Variants in GPHN observed in about 807,000 individuals in gnomAD.
GPHN encodes the protein gephyrin.
GPHN carries 17 observed loss-of-function variants against 95.5 expected under a neutral mutation model. That is an observed-to-expected ratio of 0.18 (90% confidence interval 0.12 to 0.27). The LOEUF (loss-of-function observed/expected upper bound fraction) is 0.27. GPHN is among the 10% of genes least tolerant of loss of function. The pLI, the probability that GPHN is intolerant of heterozygous loss-of-function variation, is 1.00. For missense variants in GPHN, 660 were observed against 978.1 expected, an observed-to-expected ratio of 0.67 and a Z score of 4.34; for synonymous variants, 320 against 322.5, an observed-to-expected ratio of 0.99 and a Z score of 0.08.
At chr14:67,678,282 C>T in the GPHN span, 34 of 1,247,094 alleles carry the variant, frequency 2.7e-5, 1 homozygote, top group South Asian at 3.9e-4. Context: ...ACTGTGTAGT[C>T]TGCTGCAGTC....
chr14:66,674,610 G>A (rs2066485395), intron 1 of GPHN, among the ~76,000 whole-genome samples: 1 of 152,140 alleles, frequency 6.6e-6, no homozygotes, highest in Non-Finnish European at 1.5e-5. Context: ...CCTCCAGGGT[G>A]ATCCATATTG....
At chr14:66,932,331 C>A (rs112092039) in intron 8 of GPHN, among the ~76,000 whole-genome samples, 2,301 of 151,996 alleles carry the variant, frequency 0.015, 33 homozygotes, top group Non-Finnish European at 0.018. Flanking sequence ...TAAAACCAGC[C>A]CAGTACTGGG....
chr14:67,009,449 CTA>C (rs2072832638), intron 9 of GPHN, among the ~76,000 whole-genome samples: 1 of 152,002 alleles, frequency 6.6e-6, no homozygotes, highest in Non-Finnish European at 1.5e-5. Flanking sequence ...TGTCAAAAGA[CTA>C]TTTATAAATA....
chr14:67,492,987 G>A, the GPHN span, among the ~76,000 whole-genome samples: 3 of 152,300 alleles, frequency 2.0e-5, no homozygotes, highest in African/African-American at 7.2e-5. Context: ...AAAGAAACCC[G>A]ATGCTGGAAG....
chr14:66,530,682 G>A (rs2058887270), intron 1 of GPHN, among the ~76,000 whole-genome samples: 1 of 152,232 alleles, frequency 6.6e-6, no homozygotes, highest in South Asian at 2.1e-4. Flanking sequence ...TTACAGCACA[G>A]TCCCTCAGGG....
At chr14:67,538,306 T>G in the GPHN span, among the ~76,000 whole-genome samples, 2 of 152,214 alleles carry the variant, frequency 1.3e-5, no homozygotes, top group Non-Finnish European at 2.9e-5. Flanking sequence ...TTGGCCCAGT[T>G]CTGCTACTCC....
chr14:67,216,479 G>A, the GPHN span, among the ~76,000 whole-genome samples: 1 of 151,716 alleles, frequency 6.6e-6, no homozygotes, highest in Admixed American at 6.6e-5. Context: ...AGTTCCTCAA[G>A]GTGCATCATT....
At chr14:67,571,238 T>C in the GPHN span, 1 of 158,736 alleles carries the variant, frequency 6.3e-6, no homozygotes, top group Admixed American at 5.8e-5. Flanking sequence ...TCTGGGCAAA[T>C]TATATACATG....
At chr14:67,378,351 G>A in the GPHN span, among the ~76,000 whole-genome samples, 1 of 144,910 alleles carries the variant, frequency 6.9e-6, no homozygotes, top group African/African-American at 2.6e-5. Context: ...ATATCACGTG[G>A]TAGAAAAGGT....
chr14:67,105,132 G>T (rs898849841), intron 13 of GPHN, among the ~76,000 whole-genome samples: 3 of 151,904 alleles, frequency 2.0e-5, no homozygotes, highest in Non-Finnish European at 2.9e-5. Context: ...ATTTCTACAT[G>T]TTTGTACAAT....
intron 1 of GPHN, among the ~76,000 whole-genome samples, chr14:66,628,429 C>T (rs1325447696): frequency 6.6e-6 from 1 of 151,880 alleles, no homozygotes; most frequent in Non-Finnish European, 1.5e-5. Context: ...AGTTATAACA[C>T]AATGGCAAAT....
the GPHN span, among the ~76,000 whole-genome samples, chr14:67,324,697 CCCCAG>C: frequency 6.6e-6 from 1 of 151,866 alleles, no homozygotes; most frequent in Non-Finnish European, 1.5e-5. Context: ...GATCCTCTCA[CCCCAG>C]CCTGTCCAAG....
the GPHN span, chr14:67,652,690 A>G: frequency 2.0e-5 from 3 of 152,236 alleles, no homozygotes; most frequent in Non-Finnish European, 4.4e-5. Flanking sequence ...TCTTCCCTAC[A>G]ATATAGAACT....
intron 21 of GPHN, among the ~76,000 whole-genome samples, chr14:67,171,413 C>T (rs1056461613): frequency 4.0e-5 from 6 of 151,896 alleles, no homozygotes; most frequent in Non-Finnish European, 7.4e-5. Context: ...GAACACAATC[C>T]TAGCAATTCA....
intron 1 of GPHN, among the ~76,000 whole-genome samples, chr14:66,659,872 C>G (rs1282975402): frequency 6.6e-6 from 1 of 151,968 alleles, no homozygotes; most frequent in Non-Finnish European, 1.5e-5. Context: ...CTCTGCTAAT[C>G]TCTTTCAGTT....
chr14:66,842,588 C>T, intron 4 of GPHN: 2 of 864,920 alleles, frequency 2.3e-6, no homozygotes, highest in Admixed American at 2.3e-5. Flanking sequence ...TTCTTATTTC[C>T]CTGAACCAGT....
the GPHN span, among the ~76,000 whole-genome samples, chr14:67,583,510 C>T: frequency 6.6e-6 from 1 of 152,226 alleles, no homozygotes; most frequent in Non-Finnish European, 1.5e-5. Context: ...CACTTCACCT[C>T]AGCTGCAAAA....
intron 1 of GPHN, among the ~76,000 whole-genome samples, chr14:66,594,813 C>T (rs987844850): frequency 1.3e-5 from 2 of 151,916 alleles, no homozygotes; most frequent in Non-Finnish European, 2.9e-5. Context: ...TACAAATAGA[C>T]AAATAGGATG....
chr14:66,961,528 A>G (rs911794282), intron 8 of GPHN, among the ~76,000 whole-genome samples: 6 of 151,902 alleles, frequency 3.9e-5, no homozygotes, highest in African/African-American at 1.2e-4. Flanking sequence ...CTAAAAGACT[A>G]GTTATCCAGA....
Sources: gnomAD v4.1 joint callset for allele counts (sites outside exome capture counted in the v4.1 genomes callset) on GRCh38, gnomAD v4.1.1 for gene constraint, MANE v1.5 for transcripts, NCBI Gene and HGNC (gene_info 2026-07-23, HGNC 2026-07-21) for gene names.